The following PPM1H variants were observed in gnomAD, a reference collection of about 807,000 sequenced individuals.
PPM1H encodes the protein protein phosphatase, Mg2+/Mn2+ dependent 1H.
Under a neutral mutation model 54.9 loss-of-function variants are expected in PPM1H, and 27 were observed. That is an observed-to-expected ratio of 0.49 (90% CI 0.36 to 0.68). PPM1H has a LOEUF of 0.68. Among genes scored for constraint, PPM1H ranks in the 30% least tolerant of loss-of-function variants. PPM1H has a pLI of 0.00. For synonymous variants in PPM1H, 305 were observed against 270.8 expected, an observed-to-expected ratio of 1.13 and a Z score of -1.24; for missense variants, 596 against 667.8, an observed-to-expected ratio of 0.89 and a Z score of 1.19.
At chr12:62,721,864 T>G (rs1592562680) in intron 5 of PPM1H, among the ~76,000 whole-genome samples, 1 of 152,226 alleles carries the variant, frequency 6.6e-6, no homozygotes, top group Non-Finnish European at 1.5e-5. Context: ...AGTCACCTAG[T>G]GATTATTGAA....
chr12:62,858,712 ATCT>A (rs751694059), intron 1 of PPM1H, among the ~76,000 whole-genome samples: 8 of 152,214 alleles, frequency 5.3e-5, no homozygotes, highest in Non-Finnish European at 8.8e-5. Context: ...GGTCATCAAA[ATCT>A]TCTTAAGGCT....
chr12:62,697,133 CT>C (rs543565296), intron 6 of PPM1H, among the ~76,000 whole-genome samples: 29 of 146,368 alleles, frequency 2.0e-4, no homozygotes, highest in Non-Finnish European at 2.3e-4. Flanking sequence ...GGTCTGTGTT[CT>C]TTTTTTTTTT....
intron 7 of PPM1H, among the ~76,000 whole-genome samples, chr12:62,692,387 T>G (rs1208631176): frequency 1.3e-5 from 2 of 152,250 alleles, no homozygotes; most frequent in East Asian, 3.8e-4. Context: ...AGAAAACTCT[T>G]GCTCCTTCAA....
chr12:62,738,326 A>C (rs1056019156), intron 4 of PPM1H, among the ~76,000 whole-genome samples: 1 of 151,978 alleles, frequency 6.6e-6, no homozygotes, highest in Admixed American at 6.6e-5. Flanking sequence ...TGTGGCCTAC[A>C]CTGTTGAATT....
chr12:62,907,518 C>T (rs771988), intron 1 of PPM1H, among the ~76,000 whole-genome samples: 1 of 151,974 alleles, frequency 6.6e-6, no homozygotes, highest in South Asian at 2.1e-4. Flanking sequence ...TACCTGTCAG[C>T]GGTTCTTTCT....
Position 62,755,643 on chromosome 12 carries a change from A to G in PPM1H, c.870-18057T>C, listed in dbSNP as rs1196981398. The G allele has an allele frequency of 1.7e-5, 11 of 655,362 alleles. No homozygotes were observed. The East Asian group carries it at 2.8e-4, about 17-fold the overall frequency. 40.6% of individuals were successfully genotyped at this position (655,362 alleles called of 1,614,324 possible). On this transcript the variant is annotated intron_variant, in intron 4 of 9. Transcript: ENST00000228705. ...TGATGGGCATGAAGCATGAGAAGTA[A>G]TGACAACAGCCTCAAGATCATCAGC...
chr12:62,865,993 A>G (rs1325573092), intron 1 of PPM1H, among the ~76,000 whole-genome samples: 1 of 152,216 alleles, frequency 6.6e-6, no homozygotes, highest in Non-Finnish European at 1.5e-5. Context: ...CAGCTCAGCA[A>G]AAGAGCTTTT....
Position 62,737,524 on chromosome 12 carries a change from T to A in PPM1H, c.932A>T (p.Glu311Val). 1 of 1,583,938 alleles carries A rather than the reference T, an allele frequency of 6.3e-7. No homozygotes were observed. The highest frequency in any genetic ancestry group is 8.6e-7 in the Non-Finnish European group (1 of 1,163,704). ...PMSSEFTPET[E>V]RQRLQYLAFM... is the part of the protein sequence containing the mutation. ...TACCAGGTACTGAAGTCGCTGGCGC[T>A]CCGTCTCGGGGGTAAATTCTGAAGA... The change falls in exon 5 of 10, where the codon GAG becomes GTG. Residue 311 changes from glutamate (E) to valine (V), a missense_variant. Around this residue, in one of 3 missense-constraint regions of PPM1H, gnomAD observed 208 missense variants for 259.5 expected, o/e 0.80. Coordinates refer to ENST00000228705, the MANE Select transcript of PPM1H (RefSeq NM_020700.2).
chr12:62,921,269 TTTTC>T (rs1427694026), intron 1 of PPM1H, among the ~76,000 whole-genome samples: 1 of 152,176 alleles, frequency 6.6e-6, no homozygotes, highest in African/African-American at 2.4e-5. Context: ...CACAAGATTT[TTTTC>T]CTTCCTATAC....
At chr12:62,856,066 G>A (rs894035659) in intron 1 of PPM1H, among the ~76,000 whole-genome samples, 1 of 152,182 alleles carries the variant, frequency 6.6e-6, no homozygotes, top group African/African-American at 2.4e-5. Flanking sequence ...CAAGCACTGG[G>A]TACTGTTCCC....
chr12:62,663,757 C>T (rs887150803), intron 9 of PPM1H, among the ~76,000 whole-genome samples: 19 of 151,976 alleles, frequency 1.3e-4, no homozygotes, highest in African/African-American at 3.1e-4. Context: ...TTTGGGAGGC[C>T]GAGGTGGGCG....
rs367583971 is a variant in PPM1H at position 62,768,076 on chromosome 12, C to A, written c.869+20150G>T. On this transcript the variant is annotated intron_variant, in intron 4 of 9. Transcript: ENST00000228705. ...ACTTGAACATAACTTTTTGAGGGAA[C>A]ATAACAGTTCAAGACAACAGTATGT... is the stretch of plus-strand genomic sequence containing the variant. 2.0e-3 allele frequency among the ~76,000 whole-genome samples: 304 copies of A among 152,260 alleles called. 2 individuals carry two copies. Among genetic ancestry groups the A allele is most frequent in the African/African-American group, 6.9e-3 (287 of 41,546 alleles).
chr12:62,850,771 A>G (rs1869153822), intron 1 of PPM1H: 1 of 151,400 alleles, frequency 6.6e-6, no homozygotes, highest in Non-Finnish European at 1.5e-5. Flanking sequence ...CCCCACTACC[A>G]CAAATCATGC....
intron 1 of PPM1H, among the ~76,000 whole-genome samples, chr12:62,892,914 A>T (rs146169343): frequency 6.6e-6 from 1 of 152,208 alleles, no homozygotes; most frequent in African/African-American, 2.4e-5. Context: ...TAGACATGCC[A>T]TTCCTCCCAT....
intron 4 of PPM1H, among the ~76,000 whole-genome samples, chr12:62,739,362 G>A (rs959008357): frequency 2.0e-5 from 3 of 152,158 alleles, no homozygotes; most frequent in Non-Finnish European, 4.4e-5. Flanking sequence ...GGGAGTAGGA[G>A]TTTTGACAGG....
intron 4 of PPM1H, among the ~76,000 whole-genome samples, chr12:62,739,962 C>T (rs894938777): frequency 3.3e-5 from 5 of 152,164 alleles, no homozygotes; most frequent in African/African-American, 7.2e-5. Context: ...TCCCACACCT[C>T]GGGGTTCTCC....
chr12:62,798,216 C>T (rs916625899), intron 3 of PPM1H, among the ~76,000 whole-genome samples: 6 of 151,916 alleles, frequency 3.9e-5, no homozygotes, highest in East Asian at 1.9e-4. Flanking sequence ...AAAAGTGGGC[C>T]GGAGGGGAAA....
intron 1 of PPM1H, among the ~76,000 whole-genome samples, chr12:62,880,655 T>G (rs11174708): frequency 0.18 from 27,734 of 152,180 alleles, 2,841 homozygotes; most frequent in African/African-American, 0.28. Flanking sequence ...CTCCCCAGGC[T>G]GGGAAGAGAA....
intron 3 of PPM1H, among the ~76,000 whole-genome samples, chr12:62,800,815 T>C (rs944180747): frequency 1.6e-4 from 24 of 152,208 alleles, no homozygotes; most frequent in South Asian, 2.1e-4. Flanking sequence ...AGAGCTGGCA[T>C]AGAACAAAGC....
Sources: allele counts gnomAD v4.1 joint callset (sites outside exome capture counted in the v4.1 genomes callset), GRCh38; gene constraint gnomAD v4.1.1; regional missense constraint gnomAD v4.1.1; transcripts MANE v1.5; gene names NCBI Gene and HGNC (gene_info 2026-07-23, HGNC 2026-07-21).